Variants in PPM1H observed in about 807,000 individuals in gnomAD.
The protein encoded by PPM1H is protein phosphatase, Mg2+/Mn2+ dependent 1H.
PPM1H carries 27 observed loss-of-function variants against 54.9 expected under a neutral mutation model. The ratio of observed to expected loss-of-function variants is 0.49; its 90% CI spans 0.36 to 0.68. The LOEUF (loss-of-function observed/expected upper bound fraction) is 0.68, where lower values mean the gene tolerates loss of function less well. Among genes scored for constraint, PPM1H ranks in the 30% least tolerant of loss-of-function variants. The probability of loss-of-function intolerance (pLI) is 0.00; values close to 1 mark genes in which losing one functional copy is unlikely to be tolerated. For synonymous variants in PPM1H, 305 were observed against 270.8 expected (o/e 1.13, Z -1.24); for missense variants, 596 against 667.8 (o/e 0.89, Z 1.19).
intron 4 of PPM1H, among the ~76,000 whole-genome samples, chr12:62,764,794 T>C (rs962182340): frequency 2.2e-4 from 33 of 152,144 alleles, no homozygotes; most frequent in Admixed American, 7.2e-4. Flanking sequence ...GAGGGTACAG[T>C]GAGGCTGAGG....
intron 4 of PPM1H, among the ~76,000 whole-genome samples, chr12:62,739,074 T>C (rs1592572441): frequency 1.4e-5 from 2 of 146,490 alleles, no homozygotes; most frequent in South Asian, 4.4e-4. Context: ...AACTTATGAC[T>C]CTAGGAAAAA....
At chr12:62,805,473 A>C (rs1317539886) in intron 2 of PPM1H, among the ~76,000 whole-genome samples, 2 of 152,246 alleles carry the variant, frequency 1.3e-5, no homozygotes, top group Non-Finnish European at 2.9e-5. Context: ...AATGGTAAAG[A>C]AAATGTGGTG....
chr12:62,896,715 A>G (rs1411407509), intron 1 of PPM1H, among the ~76,000 whole-genome samples: 2 of 152,202 alleles, frequency 1.3e-5, no homozygotes, highest in South Asian at 2.1e-4. Context: ...ATCTAGAACT[A>G]GAAATACCAT....
chr12:62,923,352 T>A (rs1871862998), intron 1 of PPM1H, among the ~76,000 whole-genome samples: 1 of 152,144 alleles, frequency 6.6e-6, no homozygotes, highest in Non-Finnish European at 1.5e-5. Context: ...GGGTGTTAAG[T>A]CTACACTGGT....
At chr12:62,737,384 CAT>C in intron 5 of PPM1H, 116 bp downstream of exon 5, 1 of 611,092 alleles carries the variant, frequency 1.6e-6, no homozygotes, top group Non-Finnish European at 2.8e-6. Context: ...GAGTTAATAC[CAT>C]ATGTCATTTG....
At chr12:62,663,457 G>A (rs948325509) in intron 9 of PPM1H, among the ~76,000 whole-genome samples, 1 of 152,110 alleles carries the variant, frequency 6.6e-6, no homozygotes, top group Non-Finnish European at 1.5e-5. Context: ...AAAGGGTTAG[G>A]ATTATAGGCA....
At chr12:62,745,728 T>C (rs2076406649) in intron 4 of PPM1H, among the ~76,000 whole-genome samples, 1 of 152,238 alleles carries the variant, frequency 6.6e-6, no homozygotes, top group South Asian at 2.1e-4. Context: ...TGTACTTTTC[T>C]ACATCACTTG....
At chr12:62,892,394 A>G (rs1371431449) in intron 1 of PPM1H, among the ~76,000 whole-genome samples, 1 of 152,192 alleles carries the variant, frequency 6.6e-6, no homozygotes, top group Non-Finnish European at 1.5e-5. Context: ...CCTAGGACGC[A>G]ATACTTTTGC....
chr12:62,842,537 C>A (rs991655506), intron 1 of PPM1H, among the ~76,000 whole-genome samples: 3 of 152,184 alleles, frequency 2.0e-5, no homozygotes, highest in Admixed American at 6.5e-5. Flanking sequence ...CCTCAAAAAT[C>A]CCAGACACCA....
At chr12:62,824,531 T>A (rs1301640337) in intron 2 of PPM1H, among the ~76,000 whole-genome samples, 1 of 152,166 alleles carries the variant, frequency 6.6e-6, no homozygotes, top group East Asian at 1.9e-4. Context: ...CAAAACAGCA[T>A]GGTACTGGTA....
intron 2 of PPM1H, among the ~76,000 whole-genome samples, chr12:62,810,637 GTTATT>G (rs886074651): frequency 4.6e-5 from 7 of 152,316 alleles, no homozygotes; most frequent in Admixed American, 1.3e-4. Context: ...GGCAATTTTA[GTTATT>G]TTAAATGCTG....
chr12:62,666,107 T>G (rs1220447196), intron 9 of PPM1H, among the ~76,000 whole-genome samples: 3 of 152,010 alleles, frequency 2.0e-5, no homozygotes, highest in Non-Finnish European at 4.4e-5. Context: ...AGACCGAGTC[T>G]TCCTCTGTCA....
chr12:62,916,843 C>G (rs1291487237), intron 1 of PPM1H, among the ~76,000 whole-genome samples: 1 of 151,782 alleles, frequency 6.6e-6, no homozygotes, highest in Non-Finnish European at 1.5e-5. Flanking sequence ...AGCCACTTAA[C>G]CCTGATGACC....
intron 9 of PPM1H, among the ~76,000 whole-genome samples, chr12:62,665,162 CTCAGCCTCTTG>C (rs1404777522): frequency 6.6e-6 from 1 of 152,130 alleles, no homozygotes. Flanking sequence ...ATTCTCATGC[CTCAGCCTCTTG>C]AGTAGCTGGA....
chr12:62,833,165 A>G (rs1360247151), intron 1 of PPM1H, among the ~76,000 whole-genome samples: 1 of 152,202 alleles, frequency 6.6e-6, no homozygotes, highest in African/African-American at 2.4e-5. Flanking sequence ...TAAAGCTTCA[A>G]CAGTGTCACA....
chr12:62,658,963 G>A, intron 9 of PPM1H: 1 of 709,358 alleles, frequency 1.4e-6, no homozygotes, highest in Non-Finnish European at 2.6e-6. Flanking sequence ...CTCATAGAAG[G>A]TTCAAAGGCT....
At chr12:62,927,428 G>A (rs1405732266) in intron 1 of PPM1H, among the ~76,000 whole-genome samples, 1 of 152,146 alleles carries the variant, frequency 6.6e-6, no homozygotes. Context: ...GGGAGGCTGA[G>A]GCAGGTGGAT....
At chr12:62,781,219 T>C (rs376184398) in intron 4 of PPM1H, among the ~76,000 whole-genome samples, 15 of 152,296 alleles carry the variant, frequency 9.8e-5, no homozygotes, top group African/African-American at 3.6e-4. Flanking sequence ...AGCTGGATCA[T>C]GTTAGAAATT....
At chr12:62,893,988 A>G (rs190283076) in intron 1 of PPM1H, among the ~76,000 whole-genome samples, 3 of 152,270 alleles carry the variant, frequency 2.0e-5, no homozygotes, top group African/African-American at 7.2e-5. Flanking sequence ...AGGCTCAGCC[A>G]GACATCAGCC....
Sources: allele counts gnomAD v4.1 joint callset (sites outside exome capture counted in the v4.1 genomes callset), GRCh38; gene constraint gnomAD v4.1.1; transcripts MANE v1.5; gene names NCBI Gene and HGNC (gene_info 2026-07-23, HGNC 2026-07-21).